The following UMAD1 variants were observed in gnomAD, a reference collection of about 807,000 sequenced individuals.
The protein encoded by UMAD1 is UBAP1-MVB12-associated (UMA) domain containing 1, also known as UBAP1-MVB12-associated (UMA)-domain containing protein 1.
In UMAD1, 8 loss-of-function variants were observed where a neutral mutation model predicts 6.1. The observed-to-expected ratio is 1.30, with a 90% CI of 0.76 to 2.35. The LOEUF (loss-of-function observed/expected upper bound fraction) is 2.35. UMAD1 is among the 30% of genes most tolerant of loss of function. The pLI, the probability that UMAD1 is intolerant of heterozygous loss-of-function variation, is 0.00. For synonymous variants in UMAD1, 56 were observed against 31.4 expected, an observed-to-expected ratio of 1.78 and a Z score of -2.61; for missense variants, 130 against 78.4, an observed-to-expected ratio of 1.66 and a Z score of -2.49.
intron 2 of UMAD1, among the ~76,000 whole-genome samples, chr7:7,778,762 T>C (rs1204017363): frequency 1.3e-5 from 2 of 152,210 alleles, no homozygotes; most frequent in African/African-American, 4.8e-5. Flanking sequence ...TTTGTTGAGA[T>C]TATTTATTGT....
chr7:7,733,458 G>A (rs1373401583), intron 2 of UMAD1, among the ~76,000 whole-genome samples: 4 of 151,514 alleles, frequency 2.6e-5, no homozygotes, highest in Admixed American at 6.6e-5. Context: ...AATTCCTCCT[G>A]CAATTCCGTA....
At chr7:7,735,980 C>G (rs1210084903) in intron 2 of UMAD1, 2 of 152,308 alleles carry the variant, frequency 1.3e-5, no homozygotes, top group Non-Finnish European at 2.9e-5. Context: ...TATTTAGATC[C>G]CCTGGTAAAG....
chr7:7,827,307 G>A (rs1247500204), intron 3 of UMAD1, among the ~76,000 whole-genome samples: 2 of 152,030 alleles, frequency 1.3e-5, no homozygotes, highest in Non-Finnish European at 2.9e-5. Context: ...AGTAATTGCT[G>A]TGGCTGCAGT....
intron 2 of UMAD1, among the ~76,000 whole-genome samples, chr7:7,777,126 T>G (rs57660541): frequency 6.6e-6 from 1 of 152,324 alleles, no homozygotes; most frequent in African/African-American, 2.4e-5. Flanking sequence ...TTTTGACAGT[T>G]AGTATTGTAT....
intron 3 of UMAD1, among the ~76,000 whole-genome samples, chr7:7,841,588 A>G (rs112066386): frequency 0.13 from 20,109 of 152,160 alleles, 1,922 homozygotes; most frequent in Middle Eastern, 0.2. Flanking sequence ...ACAGGTGTGA[A>G]CCACCACACC....
chr7:7,807,601 T>A (rs1252918065), intron 3 of UMAD1, among the ~76,000 whole-genome samples: 2 of 152,096 alleles, frequency 1.3e-5, no homozygotes, highest in African/African-American at 4.8e-5. Context: ...AACATCTAGA[T>A]GGAATAGAAT....
intron 2 of UMAD1, among the ~76,000 whole-genome samples, chr7:7,785,101 T>G (rs1782436618): frequency 6.6e-6 from 1 of 152,204 alleles, no homozygotes; most frequent in African/African-American, 2.4e-5. Flanking sequence ...GTCCTTCAGA[T>G]TTTAGCGGGT....
rs550161170 is a variant in UMAD1 at position 7,802,248 on chromosome 7, T to G, written c.156+505T>G. Among the ~76,000 whole-genome samples, 5 of 152,278 alleles carry G rather than the reference T, an allele frequency of 3.3e-5. No individual in the cohort carries two copies. In the South Asian group the frequency reaches 1.0e-3, roughly 32 times the overall value. ...TAAAAATTAGCTGGGCATGGTGGCA[T>G]GTGCCTGTCATCCCAGCTACTTGGG... is the stretch of plus-strand genomic sequence containing the variant. On this transcript the variant is annotated intron_variant, in intron 3 of 3. Transcript: ENST00000682710.
At chr7:7,763,444 C>G (rs1180694595) in intron 2 of UMAD1, among the ~76,000 whole-genome samples, 1 of 152,188 alleles carries the variant, frequency 6.6e-6, no homozygotes, top group Non-Finnish European at 1.5e-5. Flanking sequence ...ACCACAGTGT[C>G]TGTCATTCCT....
At chr7:7,817,565 T>C (rs1783155570) in intron 3 of UMAD1, among the ~76,000 whole-genome samples, 1 of 152,224 alleles carries the variant, frequency 6.6e-6, no homozygotes, top group South Asian at 2.1e-4. Flanking sequence ...TTTCAGGTTA[T>C]GTTTAATAAT....
chr7:7,650,808 G>A (rs1785208061), intron 1 of UMAD1, among the ~76,000 whole-genome samples: 1 of 152,140 alleles, frequency 6.6e-6, no homozygotes, highest in Non-Finnish European at 1.5e-5. Flanking sequence ...TCACTGTTAA[G>A]TCCAAACTCC....
intron 1 of UMAD1, among the ~76,000 whole-genome samples, chr7:7,671,291 GC>G (rs1418629840): frequency 1.3e-5 from 2 of 152,074 alleles, no homozygotes; most frequent in Non-Finnish European, 2.9e-5. Context: ...CTCTGTGCAT[GC>G]CCCCCTCTTC....
chr7:7,649,729 C>T (rs1281382778), intron 1 of UMAD1, among the ~76,000 whole-genome samples: 2 of 89,494 alleles, frequency 2.2e-5, no homozygotes. Context: ...TGCCATGGTC[C>T]GAATGTTTGT....
intron 2 of UMAD1, chr7:7,736,885 C>T (rs1416173535): frequency 6.6e-6 from 1 of 152,300 alleles, no homozygotes; most frequent in East Asian, 1.9e-4. Context: ...CGGCCTCCTG[C>T]TGAGCTGGCT....
At chr7:7,749,084 C>G (rs1488000112) in intron 2 of UMAD1, among the ~76,000 whole-genome samples, 1 of 152,038 alleles carries the variant, frequency 6.6e-6, no homozygotes, top group Non-Finnish European at 1.5e-5. Flanking sequence ...TTTAAACTTT[C>G]TAGCATGAGC....
intron 3 of UMAD1, among the ~76,000 whole-genome samples, chr7:7,831,379 T>A (rs897924396): frequency 6.6e-6 from 1 of 152,236 alleles, no homozygotes; most frequent in African/African-American, 2.4e-5. Context: ...AAATACTTGA[T>A]CATAAAATCA....
chr7:7,855,248 C>T (rs1032535109), intron 3 of UMAD1, among the ~76,000 whole-genome samples: 2 of 152,226 alleles, frequency 1.3e-5, no homozygotes, highest in African/African-American at 2.4e-5. Context: ...CTCCACTAGA[C>T]AGTGCCCCAG....
At chr7:7,662,897 T>C (rs1785510298) in intron 1 of UMAD1, among the ~76,000 whole-genome samples, 1 of 152,228 alleles carries the variant, frequency 6.6e-6, no homozygotes, top group African/African-American at 2.4e-5. Flanking sequence ...TAAATATTTA[T>C]AGTATGCTAG....
At chr7:7,844,738 A>G (rs2023653518) in intron 3 of UMAD1, among the ~76,000 whole-genome samples, 1 of 152,170 alleles carries the variant, frequency 6.6e-6, no homozygotes, top group African/African-American at 2.4e-5. Context: ...TCTACCATCC[A>G]CAGGTTTCTC....
Sources: allele counts gnomAD v4.1 joint callset (sites outside exome capture counted in the v4.1 genomes callset), GRCh38; gene constraint gnomAD v4.1.1; transcripts MANE v1.5; gene names NCBI Gene and HGNC (gene_info 2026-07-23, HGNC 2026-07-21).